PDE3A: variants seen among roughly 807,000 people sequenced by gnomAD.
The protein encoded by PDE3A is phosphodiesterase 3A.
A neutral mutation model predicts 98.3 loss-of-function variants in PDE3A; 43 were observed. That is an observed-to-expected ratio of 0.44 (90% CI 0.34 to 0.56). The LOEUF (loss-of-function observed/expected upper bound fraction) is 0.56. Among genes scored for constraint, PDE3A ranks in the 20% least tolerant of loss-of-function variants. PDE3A has a pLI of 0.01. For missense variants in PDE3A, 1,427 were observed against 1,440.7 expected, an observed-to-expected ratio of 0.99 and a Z score of 0.15; for synonymous variants, 663 against 567.9, an observed-to-expected ratio of 1.17 and a Z score of -2.38.
intron 1 of PDE3A, among the ~76,000 whole-genome samples, chr12:20,418,964 T>C (rs1944467749): frequency 1.3e-5 from 2 of 152,190 alleles, no homozygotes; most frequent in African/African-American, 4.8e-5. Context: ...GGCTTGTTGA[T>C]TATCTCCTGG....
At chr12:20,436,726 G>A (rs1331213948) in intron 1 of PDE3A, among the ~76,000 whole-genome samples, 1 of 152,160 alleles carries the variant, frequency 6.6e-6, no homozygotes, top group African/African-American at 2.4e-5. Context: ...ATAAAATATA[G>A]TCTTTTTCTC....
intron 15 of PDE3A, among the ~76,000 whole-genome samples, chr12:20,673,655 A>T (rs1291936315): frequency 6.8e-6 from 1 of 146,656 alleles, no homozygotes; most frequent in Non-Finnish European, 1.5e-5. Flanking sequence ...AACAATGAGA[A>T]CACATGGACA....
At chr12:20,398,919 G>A (rs1220574322) in intron 1 of PDE3A, among the ~76,000 whole-genome samples, 3 of 152,004 alleles carry the variant, frequency 2.0e-5, no homozygotes, top group Non-Finnish European at 4.4e-5. Flanking sequence ...GTCCACTTCC[G>A]GAACTTTTTC....
intron 1 of PDE3A, among the ~76,000 whole-genome samples, chr12:20,437,207 CA>C: frequency 6.6e-6 from 1 of 152,094 alleles, no homozygotes; most frequent in East Asian, 1.9e-4. Context: ...TGGCTCATGA[CA>C]AAAATTTCAG....
At chr12:20,527,424 T>C (rs573792651) in intron 1 of PDE3A, among the ~76,000 whole-genome samples, 1 of 152,288 alleles carries the variant, frequency 6.6e-6, no homozygotes, top group Admixed American at 6.5e-5. Context: ...TCTCTAATAA[T>C]AATAGCAAAA....
At chr12:20,544,941 C>T (rs983255494) in intron 1 of PDE3A, among the ~76,000 whole-genome samples, 15 of 151,982 alleles carry the variant, frequency 9.9e-5, no homozygotes, top group Non-Finnish European at 1.9e-4. Flanking sequence ...AAAACTTCCT[C>T]AAGCTTTAAC....
chr12:20,408,087 A>T (rs1944266608), intron 1 of PDE3A, among the ~76,000 whole-genome samples: 2 of 151,928 alleles, frequency 1.3e-5, no homozygotes, highest in South Asian at 4.2e-4. Flanking sequence ...CGCCCAGCTA[A>T]TTTTTGTATT....
chr12:20,501,085 A>G (rs12813387), intron 1 of PDE3A, among the ~76,000 whole-genome samples: 3 of 151,914 alleles, frequency 2.0e-5, no homozygotes, highest in African/African-American at 7.3e-5. Context: ...TTATTCTTTC[A>G]CTGTAGAGAA....
chr12:20,488,592 G>A (rs1339836288), intron 1 of PDE3A, among the ~76,000 whole-genome samples: 1 of 152,102 alleles, frequency 6.6e-6, no homozygotes, highest in Non-Finnish European at 1.5e-5. Flanking sequence ...CAGCACTATG[G>A]GAGGCCGAGG....
In PDE3A at chr12:20,552,488, G is replaced by A. The variant is rs1044888832; in HGVS notation, c.961-4172G>A. 6.2e-6 allele frequency: 10 copies of A among 1,612,882 alleles called. No individual in the cohort carries two copies. Among genetic ancestry groups the A allele is most frequent in the Non-Finnish European group, 8.5e-6 (10 of 1,179,634 alleles). Reference sequence around the variant, plus strand: ...CTGGAAGCCCTGGCCAACCGAGAGCGAGAGAAGGAGAACAGCAAGAGGGAG... The same window carrying A: ...CTGGAAGCCCTGGCCAACCGAGAGCAAGAGAAGGAGAACAGCAAGAGGGAG... On this transcript the variant is annotated intron_variant, in intron 1 of 15. Coordinates refer to ENST00000359062, the MANE Select transcript of PDE3A (RefSeq NM_000921.5). This position sits in a 1 kb window ranked among gnomAD's most constrained non-coding sequence, Gnocchi z 5.1.
chr12:20,400,976 T>C (rs750981255), intron 1 of PDE3A, among the ~76,000 whole-genome samples: 2 of 152,174 alleles, frequency 1.3e-5, no homozygotes, highest in Non-Finnish European at 2.9e-5. Context: ...TTACCCAAAG[T>C]CTCACTGTTT....
chr12:20,564,079 G>A (rs1025456198), intron 2 of PDE3A, among the ~76,000 whole-genome samples: 5 of 152,084 alleles, frequency 3.3e-5, no homozygotes, highest in Non-Finnish European at 7.4e-5. Flanking sequence ...TCAAGAGGAT[G>A]GGGAGACATT....
In PDE3A at chr12:20,407,799, C is replaced by T. The variant is rs143778227; in HGVS notation, c.960+37555C>T. On this transcript the variant is annotated intron_variant, in intron 1 of 15. Transcript: ENST00000359062. Reference sequence around the variant, plus strand: ...AGTATAGATATAGCATATTACATATCTATATTGACTACATGAAGAAAAGCA... The same window carrying T: ...AGTATAGATATAGCATATTACATATTTATATTGACTACATGAAGAAAAGCA... Among the ~76,000 whole-genome samples, 499 of 152,042 alleles carry T rather than the reference C, an allele frequency of 3.3e-3. 2 individuals are homozygous for T. The highest frequency in any genetic ancestry group is 4.1e-3 in the Admixed American group (62 of 15,278).
At chr12:20,440,579 C>T (rs191252578) in intron 1 of PDE3A, among the ~76,000 whole-genome samples, 3 of 152,322 alleles carry the variant, frequency 2.0e-5, no homozygotes, top group Admixed American at 2.0e-4. Flanking sequence ...CAATAAGTCA[C>T]ATCACTTACA....
intron 12 of PDE3A, among the ~76,000 whole-genome samples, chr12:20,648,441 T>A (rs1944827031): frequency 6.6e-6 from 1 of 151,598 alleles, no homozygotes; most frequent in African/African-American, 2.4e-5. Context: ...GATAGGCGAG[T>A]GCCCCCTCAA....
At chr12:20,426,508 C>T (rs1438649482) in intron 1 of PDE3A, among the ~76,000 whole-genome samples, 1 of 152,146 alleles carries the variant, frequency 6.6e-6, no homozygotes, top group Non-Finnish European at 1.5e-5. Flanking sequence ...CCGTCCAAGA[C>T]ACCATAATTT....
chr12:20,370,304 C>T, intron 1 of PDE3A, 60 bp downstream of exon 1: 2 of 1,441,986 alleles, frequency 1.4e-6, no homozygotes, highest in Non-Finnish European at 1.8e-6. Context: ...GCAACCGGCG[C>T]AGAGTGGAGA....
chr12:20,449,790 C>T, intron 1 of PDE3A: 1 of 515,902 alleles, frequency 1.9e-6, no homozygotes, highest in Non-Finnish European at 3.5e-6. Context: ...GACTGGATTA[C>T]TTGGTCAGTT....
intron 2 of PDE3A, among the ~76,000 whole-genome samples, chr12:20,605,255 A>C (rs1333345106): frequency 2.6e-5 from 4 of 152,154 alleles, no homozygotes. Context: ...CTATTGGGAG[A>C]AGTATATGGA....
Sources: gnomAD v4.1 joint callset for allele counts (sites outside exome capture counted in the v4.1 genomes callset) on GRCh38, gnomAD v4.1.1 for gene constraint, Gnocchi (gnomAD v3.1) non-coding constraint, MANE v1.5 for transcripts, NCBI Gene and HGNC (gene_info 2026-07-23, HGNC 2026-07-21) for gene names.